The following TRDN variants were observed in gnomAD, a reference collection of about 807,000 sequenced individuals.
The protein encoded by TRDN is triadin, also known as triadin in skeletal muscle.
Under a neutral mutation model 149.7 loss-of-function variants are expected in TRDN, and 161 were observed. The ratio of observed to expected loss-of-function variants is 1.08; its 90% confidence interval spans 0.95 to 1.23. The LOEUF (loss-of-function observed/expected upper bound fraction) is 1.23, where lower values mean the gene tolerates loss of function less well. TRDN is among the 50% of genes most tolerant of loss of function. The pLI is 0.00. For synonymous variants in TRDN, 294 were observed against 250.5 expected (o/e 1.17, Z -1.64); for missense variants, 896 against 823.5 (o/e 1.09, Z -1.08).
rs1299861414 is a variant in TRDN, at chr6:123,445,388, G to T, written c.932-6385C>A. On this transcript the variant is annotated intron_variant, in intron 10 of 40. Transcript: ENST00000334268. ...AACAAAAGACAAAATTGACAAATGG[G>T]ATCTAATTAAACTAAAGAGCTTCTG... is the stretch of plus-strand genomic sequence containing the variant. 4.3e-4 allele frequency among the ~76,000 whole-genome samples: 55 copies of T among 128,648 alleles called. 1 individual carries two copies. Among genetic ancestry groups the T allele is most frequent in the Non-Finnish European group, 6.3e-4 (40 of 63,044 alleles). The allele number at this position is 128,648 out of a possible 152,430, so 84.4% of individuals were successfully genotyped here. A position where few individuals can be genotyped will look rare whatever the true frequency, so the allele number is the denominator to read the frequency against.
chr6:123,271,128 A>G lies in TRDN; in HGVS notation c.1720+11T>C, dbSNP rs1777192446. 3 of 1,506,086 alleles carry G rather than the reference A, an allele frequency of 2.0e-6. No individual in the cohort carries two copies. Among genetic ancestry groups the G allele is most frequent in the African/African-American group, 1.4e-5 (1 of 71,100 alleles). The allele number at this position is 1,506,086 out of a possible 1,614,324, so 93.3% of individuals were successfully genotyped here. ...TGAGACATAGAAAAAAATATAAAAT[A>G]CCTTATTTACCTGTTTTTTCTATTG... On this transcript the variant is annotated intron_variant, in intron 30 of 40. Transcript: ENST00000334268.
chr6:123,299,254 G>A (rs1417920915), intron 24 of TRDN, among the ~76,000 whole-genome samples: 1 of 152,006 alleles, frequency 6.6e-6, no homozygotes, highest in Non-Finnish European at 1.5e-5. Context: ...TGGGAAGGGG[G>A]TGAAGGGTTT....
chr6:123,450,663 T>C (rs1189169475), intron 10 of TRDN, among the ~76,000 whole-genome samples: 1 of 152,056 alleles, frequency 6.6e-6, no homozygotes, highest in Non-Finnish European at 1.5e-5. Flanking sequence ...GGGACTTTAA[T>C]ACTCCACTGA....
chr6:123,604,755 T>C (rs1038151036), intron 1 of TRDN, among the ~76,000 whole-genome samples: 19 of 152,008 alleles, frequency 1.2e-4, no homozygotes, highest in African/African-American at 4.3e-4. Context: ...GGAGGGGTAA[T>C]GATATGATAA....
chr6:123,522,517 CTTTTTTTTTTTTT>C (rs375665403), intron 5 of TRDN, among the ~76,000 whole-genome samples: 5 of 87,224 alleles, frequency 5.7e-5, no homozygotes, highest in South Asian at 4.0e-4. Context: ...TGCGGTTCCT[CTTTTTTTTTTTTT>C]TTTTTTTTTG....
chr6:123,427,837 G>A (rs150391925), intron 12 of TRDN, among the ~76,000 whole-genome samples: 89 of 152,256 alleles, frequency 5.8e-4, no homozygotes, highest in Admixed American at 2.7e-3. Flanking sequence ...ACAAAGTAGA[G>A]GGGAAGGATT....
chr6:123,400,519 A>G (rs1034642698), intron 12 of TRDN, among the ~76,000 whole-genome samples: 11 of 152,100 alleles, frequency 7.2e-5, no homozygotes, highest in African/African-American at 2.4e-4. Context: ...TCAAGCTCCT[A>G]TGAGAATCTA....
intron 12 of TRDN, among the ~76,000 whole-genome samples, chr6:123,424,587 A>G (rs9490746): frequency 0.24 from 36,547 of 152,116 alleles, 5,530 homozygotes; most frequent in East Asian, 0.64. Context: ...AGGAAATTAA[A>G]TTGTGCATAT....
At chr6:123,446,153 G>A (rs1432585499) in intron 10 of TRDN, among the ~76,000 whole-genome samples, 2 of 150,174 alleles carry the variant, frequency 1.3e-5, no homozygotes, top group Admixed American at 6.6e-5. Context: ...ACCAAACACC[G>A]CATATTCTCA....
At chr6:123,346,406 A>AT (rs1349441289) in intron 21 of TRDN, among the ~76,000 whole-genome samples, 1 of 152,008 alleles carries the variant, frequency 6.6e-6, no homozygotes, top group South Asian at 2.1e-4. Context: ...GTTGAATTTG[A>AT]TTTTTTATAT....
chr6:123,581,109 G>A (rs1356219862), intron 1 of TRDN, among the ~76,000 whole-genome samples: 1 of 152,078 alleles, frequency 6.6e-6, no homozygotes, highest in Non-Finnish European at 1.5e-5. Context: ...GAATTCCTGA[G>A]ACATTACAGG....
intron 10 of TRDN, chr6:123,441,116 C>T (rs1272230236): frequency 6.6e-6 from 1 of 152,102 alleles, no homozygotes; most frequent in Non-Finnish European, 1.5e-5. Context: ...TCTACATTTC[C>T]TCAAGCACTA....
At chr6:123,323,301 C>T (rs946455040) in intron 23 of TRDN, among the ~76,000 whole-genome samples, 4 of 152,114 alleles carry the variant, frequency 2.6e-5, no homozygotes, top group South Asian at 2.1e-4. Flanking sequence ...AGTGGCTACA[C>T]GAACTAATTT....
At position 123,464,157 on chromosome 6, in the gene TRDN, T is replaced by A. The variant is rs1032418567; in HGVS notation, c.931+749A>T. ...GAAGGAACTGTTTTCTATTCATCTC[T>A]GAATCCCCAGTATTTTGGACAATAT... On this transcript the variant is annotated intron_variant, in intron 10 of 40. Coordinates refer to ENST00000334268, the MANE Select transcript of TRDN (RefSeq NM_006073.4). 1.4e-4 allele frequency: 98 copies of A among 684,024 alleles called. No individual in the cohort carries two copies. The African/African-American group carries it at 1.8e-3, about 13-fold the overall frequency. The allele number at this position is 684,024 out of a possible 1,614,324, so 42.4% of individuals were successfully genotyped here.
intron 9 of TRDN, among the ~76,000 whole-genome samples, chr6:123,491,514 C>G (rs1778215587): frequency 6.6e-6 from 1 of 152,040 alleles, no homozygotes; most frequent in Non-Finnish European, 1.5e-5. Context: ...TATTTCTACT[C>G]CTGTAAACTA....
intron 9 of TRDN, among the ~76,000 whole-genome samples, chr6:123,474,754 A>T (rs946252726): frequency 1.3e-5 from 2 of 152,060 alleles, no homozygotes; most frequent in Non-Finnish European, 1.5e-5. Flanking sequence ...TCAAACTAGA[A>T]CTCAGGATTA....
intron 1 of TRDN, among the ~76,000 whole-genome samples, chr6:123,614,639 C>T (rs777529011): frequency 6.6e-6 from 1 of 151,164 alleles, no homozygotes; most frequent in Admixed American, 6.6e-5. Flanking sequence ...AAAATTTATG[C>T]AAAAATTAAC....
intron 24 of TRDN, among the ~76,000 whole-genome samples, chr6:123,289,291 A>C (rs1242600200): frequency 6.6e-6 from 1 of 151,918 alleles, no homozygotes; most frequent in Non-Finnish European, 1.5e-5. Context: ...TCATAGAAAC[A>C]GAGAATAGGA....
At chr6:123,341,472 G>A (rs542702300) in intron 21 of TRDN, among the ~76,000 whole-genome samples, 17 of 151,390 alleles carry the variant, frequency 1.1e-4, no homozygotes, top group Non-Finnish European at 2.1e-4. Flanking sequence ...TTTAAACTTG[G>A]GACTTTTATT....
Sources: gnomAD v4.1 joint callset for allele counts (sites outside exome capture counted in the v4.1 genomes callset) on GRCh38, gnomAD v4.1.1 for gene constraint, MANE v1.5 for transcripts, NCBI Gene and HGNC (gene_info 2026-07-23, HGNC 2026-07-21) for gene names.